The following DNASE1 variants were observed in gnomAD, a reference collection of about 807,000 sequenced individuals.
DNASE1 encodes the protein deoxyribonuclease-1.
A neutral mutation model predicts 33.9 loss-of-function variants in DNASE1; 40 were observed. The observed-to-expected ratio is 1.18, with a 90% CI of 0.92 to 1.54. The LOEUF (loss-of-function observed/expected upper bound fraction) is 1.54, where lower values mean the gene tolerates loss of function less well. DNASE1 is among the 40% of genes most tolerant of loss of function. The pLI is 0.00. For synonymous variants in DNASE1, 216 were observed against 160.0 expected (o/e 1.35, Z -2.64); for missense variants, 518 against 372.6 (o/e 1.39, Z -3.21).
upstream of DNASE1, among the ~76,000 whole-genome samples, chr16:3,638,528 C>T (rs1367646119): frequency 1.3e-5 from 2 of 152,108 alleles, no homozygotes; most frequent in Non-Finnish European, 2.9e-5. Context: ...TTAGTAGAGA[C>T]GGTGTTTCAC....
At chr16:3,632,538 C>G (rs904749281) in intron 1 of DNASE1, among the ~76,000 whole-genome samples, 1 of 150,530 alleles carries the variant, frequency 6.6e-6, no homozygotes, top group Non-Finnish European at 1.5e-5. Flanking sequence ...CTGGGACTTT[C>G]TTTTTGATTC....
chr16:3,649,115 C>T (rs1267468367), intron 1 of DNASE1, among the ~76,000 whole-genome samples: 1 of 152,214 alleles, frequency 6.6e-6, no homozygotes, highest in Non-Finnish European at 1.5e-5. Flanking sequence ...AAGAACTCTC[C>T]TAAGTGCTGC....
At chr16:3,659,381 A>AAT (rs2042932444), downstream of DNASE1, 1 of 152,262 alleles carries the variant, frequency 6.6e-6, no homozygotes, top group South Asian at 2.1e-4. Context: ...AAAACCATTT[A>AAT]GACCAGAGTA....
chr16:3,623,461 A>C (rs2041394262), intron 1 of DNASE1, among the ~76,000 whole-genome samples: 2 of 152,238 alleles, frequency 1.3e-5, no homozygotes, highest in African/African-American at 4.8e-5. Context: ...CAAATGCAAC[A>C]AGAAGAAAAA....
chr16:3,621,584 G>A (rs915814087), intron 1 of DNASE1, among the ~76,000 whole-genome samples: 2 of 151,974 alleles, frequency 1.3e-5, no homozygotes, highest in East Asian at 3.8e-4. Context: ...GTAAATAAAC[G>A]GTAGCACATT....
chr16:3,639,104 C>T (rs1016567813), upstream of DNASE1, among the ~76,000 whole-genome samples: 5 of 152,108 alleles, frequency 3.3e-5, no homozygotes, highest in African/African-American at 1.2e-4. Flanking sequence ...TCATATTTTC[C>T]TCTCTTTCTT....
At chr16:3,628,540 A>G (rs1180657893) in intron 1 of DNASE1, among the ~76,000 whole-genome samples, 1 of 151,794 alleles carries the variant, frequency 6.6e-6, no homozygotes, top group Non-Finnish European at 1.5e-5. Context: ...ATGTTCATTC[A>G]ATGTGCATTT....
At chr16:3,634,512 G>T (rs1003460607) in intron 1 of DNASE1, among the ~76,000 whole-genome samples, 10 of 151,948 alleles carry the variant, frequency 6.6e-5, no homozygotes, top group African/African-American at 9.7e-5. Context: ...ACAGGCATGA[G>T]CCACTGTGCC....
At chr16:3,654,501 A>G, upstream of DNASE1, 1 of 398,716 alleles carries the variant, frequency 2.5e-6, no homozygotes, top group East Asian at 3.6e-5. Flanking sequence ...TCTTTGTCCA[A>G]AGTGACCTTG....
downstream of DNASE1, chr16:3,658,691 A>AAAC (rs896430308): frequency 2.7e-5 from 32 of 1,190,662 alleles, no homozygotes; most frequent in Middle Eastern, 1.0e-3. Context: ...ACAAACAAAC[A>AAAC]AAAAGACAGG....
At chr16:3,656,561 G>A (rs1340911436) in intron 4 of DNASE1, 77 bp from the exon 5 acceptor site, 18 of 1,320,548 alleles carry the variant, frequency 1.4e-5, no homozygotes, top group Middle Eastern at 2.3e-4. Flanking sequence ...CCTGGGACGC[G>A]ACGCCTGCCT....
At chr16:3,655,623 A>G in intron 2 of DNASE1, 103 bp downstream of exon 2, 1 of 1,541,000 alleles carries the variant, frequency 6.5e-7, no homozygotes, top group Non-Finnish European at 8.9e-7. Flanking sequence ...GGTGTGGGGT[A>G]CTGAGCACCA....
intron 1 of DNASE1, among the ~76,000 whole-genome samples, chr16:3,631,130 C>T (rs1596582911): frequency 6.6e-6 from 1 of 151,754 alleles, no homozygotes; most frequent in East Asian, 2.0e-4. Context: ...TCAAGCGATT[C>T]TCCTGCCTCA....
At chr16:3,655,644 C>T in intron 2 of DNASE1, 124 bp downstream of exon 2, 1 of 1,489,050 alleles carries the variant, frequency 6.7e-7, no homozygotes, top group Non-Finnish European at 9.2e-7. Flanking sequence ...CTGCTCCCAG[C>T]ACGGTGGAAC....
intron 1 of DNASE1, among the ~76,000 whole-genome samples, chr16:3,646,147 CAG>C (rs1276246372): frequency 6.6e-6 from 1 of 152,130 alleles, no homozygotes; most frequent in Non-Finnish European, 1.5e-5. Context: ...GCCCAGTGCC[CAG>C]AGTGTCCAAG....
chr16:3,658,854 A>ATGAGCG (rs1405704672), downstream of DNASE1: 1 of 1,614,056 alleles, frequency 6.2e-7, no homozygotes, highest in South Asian at 1.1e-5. Context: ...CAGCTTCTTG[A>ATGAGCG]TGAGCGCGTG....
chr16:3,619,658 G>C (rs898466603), intron 1 of DNASE1, among the ~76,000 whole-genome samples: 2 of 151,944 alleles, frequency 1.3e-5, no homozygotes, highest in Admixed American at 6.6e-5. Context: ...ACTGTGCCTG[G>C]CCGCCTGTAG....
chr16:3,629,076 G>A (rs542232025), intron 1 of DNASE1, among the ~76,000 whole-genome samples: 10 of 149,660 alleles, frequency 6.7e-5, no homozygotes, highest in Non-Finnish European at 1.2e-4. Flanking sequence ...GGAAGCTGAG[G>A]CAGAAGAATT....
At chr16:3,663,429 G>T in exon 10 of DNASE1, 1 of 1,614,038 alleles carries the variant, frequency 6.2e-7, no homozygotes. Flanking sequence ...CCGACCTGGG[G>T]ACCTGTCCTC....
Sources: gnomAD v4.1 joint callset for allele counts (sites outside exome capture counted in the v4.1 genomes callset) on GRCh38, gnomAD v4.1.1 for gene constraint, MANE v1.5 for transcripts, NCBI Gene and HGNC (gene_info 2026-07-23, HGNC 2026-07-21) for gene names.